The following FAM220A variants were observed in gnomAD, a reference collection of about 807,000 sequenced individuals.
FAM220A encodes the protein protein FAM220A.
For synonymous variants in FAM220A, 141 were observed against 130.7 expected, an observed-to-expected ratio of 1.08 and a Z score of -0.54; for missense variants, 392 against 321.6, an observed-to-expected ratio of 1.22 and a Z score of -1.68.
rs549843446 is a variant in FAM220A at position 6,340,228 on chromosome 7, G to A, written c.-82+8345C>T. 3.3e-5 allele frequency among the ~76,000 whole-genome samples: 5 copies of A among 152,258 alleles called. No homozygotes were observed. In the South Asian group the frequency reaches 1.0e-3, roughly 32 times the overall value. ...AGATTCGATGTATGAGAAGCAGCCA[G>A]AATCTTCTCTGACTACTCTTCTCTG... On this transcript the variant is annotated intron_variant, in intron 1 of 1. Coordinates refer to ENST00000313324, the MANE Select transcript of FAM220A (RefSeq NM_001037163.2).
chr7:6,332,334 A>T (rs550387699), intron 1 of FAM220A, among the ~76,000 whole-genome samples: 1 of 152,236 alleles, frequency 6.6e-6, no homozygotes, highest in East Asian at 1.9e-4. Context: ...TAATTAAACT[A>T]ATTAAATTAG....
intron 1 of FAM220A, among the ~76,000 whole-genome samples, chr7:6,346,811 G>A (rs1014467194): frequency 2.6e-4 from 40 of 152,134 alleles, no homozygotes; most frequent in African/African-American, 9.4e-4. Flanking sequence ...CCAAACCGAC[G>A]TTAGAAAGGG....
At chr7:6,341,441 C>G (rs1781856282) in intron 1 of FAM220A, among the ~76,000 whole-genome samples, 1 of 142,694 alleles carries the variant, frequency 7.0e-6, no homozygotes, top group Non-Finnish European at 1.5e-5. Context: ...GACTCTGTCT[C>G]AAAAAAATAA....
At chr7:6,331,484 T>G (rs1371026121) in intron 1 of FAM220A, among the ~76,000 whole-genome samples, 1 of 151,500 alleles carries the variant, frequency 6.6e-6, no homozygotes, top group East Asian at 2.0e-4. Context: ...TTTGTTTTTT[T>G]GAGACAGAGT....
intron 1 of FAM220A, among the ~76,000 whole-genome samples, chr7:6,334,003 C>T (rs940347171): frequency 7.3e-5 from 11 of 151,352 alleles, no homozygotes; most frequent in East Asian, 4.0e-4. Context: ...CCCGCCACCA[C>T]GCCCGGCTAA....
intron 1 of FAM220A, among the ~76,000 whole-genome samples, chr7:6,339,683 C>A (rs1272288378): frequency 1.3e-5 from 2 of 151,874 alleles, no homozygotes; most frequent in Admixed American, 6.6e-5. Flanking sequence ...CAGGGTTTCA[C>A]CATGGTCTCG....
chr7:6,345,272 G>A (rs1050397354), intron 1 of FAM220A, among the ~76,000 whole-genome samples: 3 of 150,864 alleles, frequency 2.0e-5, no homozygotes, highest in Admixed American at 6.6e-5. Context: ...CACGCACCAC[G>A]ACACCCGGCT....
chr7:6,341,897 C>CTGAG (rs1295003109), intron 1 of FAM220A: 1 of 151,852 alleles, frequency 6.6e-6, no homozygotes, highest in Non-Finnish European at 1.5e-5. Context: ...GCTTGGGAGG[C>CTGAG]TGAGGCAGGA....
At chr7:6,344,507 C>T (rs900452561) in intron 1 of FAM220A, among the ~76,000 whole-genome samples, 1 of 152,056 alleles carries the variant, frequency 6.6e-6, no homozygotes, top group East Asian at 1.9e-4. Flanking sequence ...ACTGCCTCCT[C>T]GACCTTCTGG....
intron 1 of FAM220A, chr7:6,338,619 T>G (rs567897924): frequency 6.6e-6 from 1 of 152,340 alleles, no homozygotes; most frequent in South Asian, 2.1e-4. Context: ...TGTCCAGGTA[T>G]ACCCGATCCT....
intron 1 of FAM220A, among the ~76,000 whole-genome samples, chr7:6,343,384 AT>A (rs1181762055): frequency 1.4e-5 from 2 of 138,286 alleles, no homozygotes; most frequent in Admixed American, 7.8e-5. Flanking sequence ...TCTCAAAAAA[AT>A]AATAATAATT....
At chr7:6,341,129 G>A (rs1481550831) in intron 1 of FAM220A, among the ~76,000 whole-genome samples, 1 of 145,652 alleles carries the variant, frequency 6.9e-6, no homozygotes, top group African/African-American at 2.6e-5. Context: ...GGGCGACACA[G>A]CAAGACTCTG....
chr7:6,342,929 C>T (rs1007653287), intron 1 of FAM220A, among the ~76,000 whole-genome samples: 2 of 151,434 alleles, frequency 1.3e-5, no homozygotes, highest in Non-Finnish European at 2.9e-5. Context: ...CCCAGCTACT[C>T]AGAAGGCTGA....
intron 1 of FAM220A, among the ~76,000 whole-genome samples, chr7:6,347,030 G>C (rs756579327): frequency 1.8e-4 from 28 of 152,136 alleles, no homozygotes; most frequent in Non-Finnish European, 3.7e-4. Flanking sequence ...CCTTCCACTA[G>C]AAAAAGTCAT....
At chr7:6,336,638 G>A (rs1781753002) in intron 1 of FAM220A, among the ~76,000 whole-genome samples, 1 of 151,062 alleles carries the variant, frequency 6.6e-6, no homozygotes, top group Non-Finnish European at 1.5e-5. Context: ...GAGCCAAGAT[G>A]GCACCACTGT....
intron 1 of FAM220A, among the ~76,000 whole-genome samples, chr7:6,344,709 GCA>G (rs1321084299): frequency 4.0e-5 from 6 of 151,748 alleles, no homozygotes; most frequent in African/African-American, 1.5e-4. Context: ...TTGAGTCACG[GCA>G]CCTGGCCCAC....
At chr7:6,336,080 G>A (rs1781740465) in intron 1 of FAM220A, among the ~76,000 whole-genome samples, 1 of 151,630 alleles carries the variant, frequency 6.6e-6, no homozygotes, top group Non-Finnish European at 1.5e-5. Flanking sequence ...GGCTGAGGCA[G>A]GACAATCGTT....
intron 1 of FAM220A, among the ~76,000 whole-genome samples, chr7:6,339,379 G>A (rs1373477717): frequency 1.3e-5 from 2 of 152,072 alleles, no homozygotes; most frequent in Non-Finnish European, 2.9e-5. Context: ...GAGGTGGGAG[G>A]ATCGTTTGAG....
chr7:6,337,814 T>C (rs188137814), intron 1 of FAM220A, among the ~76,000 whole-genome samples: 1 of 151,632 alleles, frequency 6.6e-6, no homozygotes, highest in East Asian at 1.9e-4. Context: ...TATTTATTTA[T>C]TTATTTTGAG....
Sources: gnomAD v4.1 joint callset for allele counts (sites outside exome capture counted in the v4.1 genomes callset) on GRCh38, gnomAD v4.1.1 for gene constraint, MANE v1.5 for transcripts, NCBI Gene and HGNC (gene_info 2026-07-23, HGNC 2026-07-21) for gene names.